Variants in SGK1 observed in about 807,000 individuals in gnomAD.
SGK1 encodes the protein serine/threonine-protein kinase Sgk1.
A neutral mutation model predicts 64.2 loss-of-function variants in SGK1; 26 were observed. The observed-to-expected ratio is 0.40, with a 90% CI of 0.30 to 0.56. The LOEUF (loss-of-function observed/expected upper bound fraction) is 0.56. SGK1 is among the 20% of genes least tolerant of loss of function. The pLI, the probability that SGK1 is intolerant of heterozygous loss-of-function variation, is 0.38. For missense variants in SGK1, 519 were observed against 645.6 expected (o/e 0.80, Z 2.12); for synonymous variants, 265 against 239.7 (o/e 1.11, Z -0.98).
At chr6:134,229,623 G>A (rs57109798) in intron 2 of SGK1, among the ~76,000 whole-genome samples, 12,121 of 152,216 alleles carry the variant, frequency 0.08, 821 homozygotes, top group East Asian at 0.27. Context: ...TATCAAAGAA[G>A]TGGCCAGGGA....
intron 2 of SGK1, among the ~76,000 whole-genome samples, chr6:134,239,394 T>C (rs1466480812): frequency 6.6e-6 from 1 of 152,252 alleles, no homozygotes; most frequent in Non-Finnish European, 1.5e-5. Flanking sequence ...GTCAGAGATA[T>C]ATTTGTGAAA....
intron 2 of SGK1, among the ~76,000 whole-genome samples, chr6:134,228,841 CTT>C (rs754300980): frequency 0.017 from 2,240 of 129,842 alleles, 28 homozygotes; most frequent in African/African-American, 0.058. Flanking sequence ...TGTAGTTGTT[CTT>C]TTTTTTTTTT....
intron 1 of SGK1, among the ~76,000 whole-genome samples, chr6:134,287,374 A>T (rs1241268003): frequency 1.3e-5 from 2 of 150,440 alleles, no homozygotes; most frequent in South Asian, 2.1e-4. Context: ...TGTCCTATAA[A>T]TTTTTTTGTT....
chr6:134,255,711 A>G (rs888627087), intron 2 of SGK1, among the ~76,000 whole-genome samples: 9 of 151,036 alleles, frequency 6.0e-5, no homozygotes, highest in Non-Finnish European at 1.2e-4. Context: ...CAGTCTTCCA[A>G]GTAGCTGGGA....
At chr6:134,255,733 C>T (rs1194563651) in intron 2 of SGK1, among the ~76,000 whole-genome samples, 3 of 151,612 alleles carry the variant, frequency 2.0e-5, no homozygotes, top group Non-Finnish European at 2.9e-5. Flanking sequence ...TACAGGCGCC[C>T]GCCACCACAC....
chr6:134,207,438 A>T lies in SGK1; in HGVS notation c.286-7T>A. 6.3e-7 allele frequency: 1 copy of T among 1,597,864 alleles called. No individual in the cohort carries two copies. Among genetic ancestry groups the T allele is most frequent in the Non-Finnish European group, 8.6e-7 (1 of 1,166,002 alleles). ...GATTACATGGCTCTCTCACCTTTAA[A>T]ACATAAAGAGAAAAGAAGTGATATA... is the stretch of plus-strand genomic sequence containing the variant. On this transcript the variant is annotated splice_polypyrimidine_tract_variant and splice_region_variant and intron_variant, in intron 2 of 13. Transcript: ENST00000367858.
chr6:134,293,534 A>T (rs1263796028), intron 1 of SGK1, among the ~76,000 whole-genome samples: 1 of 152,202 alleles, frequency 6.6e-6, no homozygotes, highest in Non-Finnish European at 1.5e-5. Context: ...TCAAGATTTG[A>T]TAATATTTAC....
chr6:134,243,837 A>G (rs1264800749), intron 2 of SGK1, among the ~76,000 whole-genome samples: 1 of 152,072 alleles, frequency 6.6e-6, no homozygotes, highest in African/African-American at 2.4e-5. Context: ...TGTGGTTTTT[A>G]AGCTCCATTG....
Position 134,233,855 on chromosome 6 carries a change from A to G in SGK1, c.286-26424T>C, listed in dbSNP as rs535447237. Among the ~76,000 whole-genome samples the G allele has an allele frequency of 6.6e-5, 10 of 152,248 alleles. No individual in the cohort carries two copies. In the South Asian group the frequency reaches 2.1e-3, roughly 32 times the overall value. On this transcript the variant is annotated intron_variant, in intron 2 of 13. Coordinates refer to ENST00000367858, the MANE Select transcript of SGK1 (RefSeq NM_001143676.3). ...TTTGCTGGAAAAACACAGAACTGGA[A>G]AATCCATCCAAGATTAAACAGAGGA...
chr6:134,187,019 T>C (rs1327582525), intron 3 of SGK1, among the ~76,000 whole-genome samples: 1 of 152,108 alleles, frequency 6.6e-6, no homozygotes, highest in Non-Finnish European at 1.5e-5. Flanking sequence ...TTTCAGTATG[T>C]AGGTCAAGCT....
rs1044538593 is a variant in SGK1, at chr6:134,268,697, T to C, written c.70-6549A>G. ...GAGATCGCGCCACTGCACTCCAGCCTGGGCGACAGAGCGAGACTCTGTCTC... is the reference window on the plus strand; with the variant it reads ...GAGATCGCGCCACTGCACTCCAGCCCGGGCGACAGAGCGAGACTCTGTCTC... On this transcript the variant is annotated intron_variant, in intron 1 of 13. Coordinates refer to ENST00000367858, the MANE Select transcript of SGK1 (RefSeq NM_001143676.3). Among the ~76,000 whole-genome samples the C allele has an allele frequency of 2.4e-5, 3 of 122,588 alleles. 1 individual carries two copies. The highest frequency in any genetic ancestry group is 9.1e-5 in the African/African-American group (3 of 33,084). The allele number at this position is 122,588 out of a possible 152,430, so 80.4% of individuals were successfully genotyped here. A position where few individuals can be genotyped will look rare whatever the true frequency, so the allele number is the denominator to read the frequency against.
At chr6:134,264,644 T>TTATTA (rs1441933398) in intron 1 of SGK1, among the ~76,000 whole-genome samples, 2 of 149,694 alleles carry the variant, frequency 1.3e-5, no homozygotes, top group African/African-American at 5.1e-5. Flanking sequence ...ATTATTATTA[T>TTATTA]TTTTGTTGTT....
Position 134,295,695 on chromosome 6 carries a change from T to C in SGK1, c.69+21697A>G, listed in dbSNP as rs569102568. On this transcript the variant is annotated intron_variant, in intron 1 of 13. Coordinates refer to ENST00000367858, the MANE Select transcript of SGK1 (RefSeq NM_001143676.3). ...TCTAGCCTAGACAACAGAGTGAGACTCCATCTCAGAAAAAAAAAAAAAAAG... is the reference window on the plus strand; with the variant it reads ...TCTAGCCTAGACAACAGAGTGAGACCCCATCTCAGAAAAAAAAAAAAAAAG... Among the ~76,000 whole-genome samples, 6 of 139,582 alleles carry C rather than the reference T, an allele frequency of 4.3e-5. No homozygotes were observed. In the South Asian group the frequency reaches 6.6e-4, roughly 15 times the overall value. The allele number at this position is 139,582 out of a possible 152,430, so 91.6% of individuals were successfully genotyped here. A position where few individuals can be genotyped will look rare whatever the true frequency, so the allele number is the denominator to read the frequency against.
intron 3 of SGK1, among the ~76,000 whole-genome samples, chr6:134,184,373 T>G (rs1408251876): frequency 6.6e-6 from 1 of 151,374 alleles, no homozygotes; most frequent in Non-Finnish European, 1.5e-5. Flanking sequence ...GGCGTGGTGG[T>G]GCGCGCCTGT....
At chr6:134,306,674 C>A (rs1259484496) in intron 1 of SGK1, among the ~76,000 whole-genome samples, 1 of 151,956 alleles carries the variant, frequency 6.6e-6, no homozygotes, top group Non-Finnish European at 1.5e-5. Context: ...CAGGCACTCA[C>A]CACCACACCT....
intron 1 of SGK1, among the ~76,000 whole-genome samples, chr6:134,275,210 T>C (rs1032081686): frequency 2.6e-5 from 4 of 152,216 alleles, no homozygotes; most frequent in African/African-American, 9.7e-5. Context: ...GTTATTTAAA[T>C]TGATTGATCA....
At position 134,261,958 on chromosome 6, in the gene SGK1, G is replaced by A. The variant is rs1776772009; in HGVS notation, c.260C>T (p.Ser87Leu). The A allele has an allele frequency of 6.2e-7, 1 of 1,613,460 alleles. No homozygotes were observed. Among genetic ancestry groups the A allele is most frequent in the Non-Finnish European group, 8.5e-7 (1 of 1,179,426 alleles). Residue 87 changes from serine to leucine, a missense_variant, in exon 2 of 14, where the codon TCA (serine) becomes TTA (leucine). Physicochemically the swap from Ser to Leu is moderately radical, Grantham distance 145. Transcript: ENST00000367858. ...TTCACACCCAGATTGAGTTTCCCAT[G>A]AACATGACTCGTTCTCCTGAGGGAG... ...GVLPQENESC[S>L]WETQSGCEVR... is the part of the protein sequence containing the mutation.
intron 2 of SGK1, among the ~76,000 whole-genome samples, chr6:134,233,722 C>A (rs1028012797): frequency 6.6e-6 from 1 of 151,302 alleles, no homozygotes; most frequent in African/African-American, 2.4e-5. Context: ...CAGAAATAGG[C>A]CAAAACATTC....
At chr6:134,208,113 T>A (rs1775823807) in intron 2 of SGK1, among the ~76,000 whole-genome samples, 1 of 152,110 alleles carries the variant, frequency 6.6e-6, no homozygotes, top group Non-Finnish European at 1.5e-5. Flanking sequence ...GGTTTCACCA[T>A]GTTGCCCAGG....
Sources: gnomAD v4.1 joint callset for allele counts (sites outside exome capture counted in the v4.1 genomes callset) on GRCh38, gnomAD v4.1.1 for gene constraint, MANE v1.5 for transcripts, NCBI Gene and HGNC (gene_info 2026-07-23, HGNC 2026-07-21) for gene names.